The following SPHK2 variants were observed in gnomAD, a reference collection of about 807,000 sequenced individuals.
SPHK2 encodes the protein sphingosine kinase 2.
SPHK2 carries 18 observed loss-of-function variants against 32.3 expected under a neutral mutation model. The ratio of observed to expected loss-of-function variants is 0.56; its 90% CI spans 0.39 to 0.83. The LOEUF (loss-of-function observed/expected upper bound fraction) is 0.83, where lower values mean the gene tolerates loss of function less well. SPHK2 is among the 40% of genes least tolerant of loss of function. The pLI is 0.00. For synonymous variants in SPHK2, 462 were observed against 417.6 expected, an observed-to-expected ratio of 1.11 and a Z score of -1.30; for missense variants, 850 against 908.7, an observed-to-expected ratio of 0.94 and a Z score of 0.83.
intron 3 of SPHK2, among the ~76,000 whole-genome samples, chr19:48,627,003 G>A (rs546332491): frequency 9.2e-5 from 14 of 151,444 alleles, no homozygotes; most frequent in South Asian, 8.4e-4. Flanking sequence ...GCATGGTGAC[G>A]GATGCCTGTA....
At position 48,629,997 on chromosome 19, in the gene SPHK2, G is replaced by C. The variant is rs1480516320; in HGVS notation, c.*224G>C. 32 of 1,378,842 alleles carry C rather than the reference G, an allele frequency of 2.3e-5. No individual in the cohort carries two copies. The highest frequency in any genetic ancestry group is 2.8e-5 in the Non-Finnish European group (30 of 1,070,132). The allele number at this position is 1,378,842 out of a possible 1,614,324, so 85.4% of individuals were successfully genotyped here. ...CCCGAGGGTAGTGCCTGATCAATGA[G>C]GGCGGGGCCTGGCGTCTGATCTGGG... On this transcript the variant is annotated 3_prime_UTR_variant, in exon 7 of 7. Coordinates refer to ENST00000245222, the MANE Select transcript of SPHK2 (RefSeq NM_020126.5).
chr19:48,629,089 G>A lies in SPHK2; in HGVS notation c.1281G>A (p.Leu427=). The A allele has an allele frequency of 6.2e-7, 1 of 1,613,354 alleles. No individual in the cohort carries two copies. The stretch of plus-strand genomic sequence containing the variant: ...CTGTGTCTGACCTGCCTCTTCCCCT[G>A]CCCCAGCCTGCCCTGGCCTCTCCTG... ...HRSVSDLPLP[L]PQPALASPGS... Residue 427 remains leucine, a synonymous_variant, in exon 7 of 7, where the codon CTG becomes CTA. Transcript: ENST00000245222.
At chr19:48,626,455 G>A in intron 3 of SPHK2, 93 bp downstream of exon 3, 1 of 1,402,768 alleles carries the variant, frequency 7.1e-7, no homozygotes, top group Non-Finnish European at 9.3e-7. Flanking sequence ...TTTTCTGTGT[G>A]TCTGGGTGAT....
In SPHK2 at chr19:48,629,488, C is replaced by A; in HGVS notation, c.1680C>A (p.Arg560=). The stretch of plus-strand genomic sequence containing the variant: ...ACCTGGTGGCAGCTCCGCATGCGCG[C>A]TTCGACGACGGCCTGGTGCACCTGT... ...GADLVAAPHA[R]FDDGLVHLCW... Residue 560 remains arginine, a synonymous_variant, in exon 7 of 7, where the codon CGC becomes CGA. Transcript: ENST00000245222. 1 of 1,607,558 alleles carries A rather than the reference C, an allele frequency of 6.2e-7. No homozygotes were observed. The highest frequency in any genetic ancestry group is 8.5e-7 in the Non-Finnish European group (1 of 1,178,568).
chr19:48,625,517 A>C lies in SPHK2; in HGVS notation c.40-374A>C. 2.4e-6 allele frequency: 3 copies of C among 1,234,492 alleles called. No homozygotes were observed. In the South Asian group the frequency reaches 4.6e-5, roughly 19 times the overall value. 76.5% of individuals were successfully genotyped at this position (1,234,492 alleles called of 1,614,324 possible). ...TTTTCCCCCAAAGCCCGTTATCATC[A>C]CCCAACCACCTGTATATTTCAATCC... On this transcript the variant is annotated intron_variant, in intron 2 of 6. Coordinates refer to ENST00000245222, the MANE Select transcript of SPHK2 (RefSeq NM_020126.5).
chr19:48,626,986 T>C (rs1314413207), intron 3 of SPHK2, among the ~76,000 whole-genome samples: 1 of 150,488 alleles, frequency 6.6e-6, no homozygotes, highest in African/African-American at 2.5e-5. Context: ...ATACAAAAAT[T>C]AGCCGGGCAT....
rs759362947 is a variant in SPHK2 at position 48,628,930 on chromosome 19, A to C, written c.1122A>C (p.Gly374=). 1 of 1,613,008 alleles carries C rather than the reference A, an allele frequency of 6.2e-7. No individual in the cohort carries two copies. The highest frequency in any genetic ancestry group is 8.5e-7 in the Non-Finnish European group (1 of 1,179,892). ...LGLATLHTYR[G]RLSYLPATVE... ...TCGCCACACTGCACACCTACCGCGG[A>C]CGCCTCTCCTACCTCCCCGCCACTG... The change falls in exon 7 of 7, where the codon GGA becomes GGC. Residue 374 remains glycine, a synonymous_variant. Coordinates refer to ENST00000245222, the MANE Select transcript of SPHK2 (RefSeq NM_020126.5). The surrounding 1 kb of genome is among the most constrained non-coding windows in gnomAD (Gnocchi z 5.2).
At chr19:48,621,752 G>T (rs1974414390) in intron 2 of SPHK2, among the ~76,000 whole-genome samples, 1 of 152,184 alleles carries the variant, frequency 6.6e-6, no homozygotes, top group Admixed American at 6.5e-5. Flanking sequence ...TATTATAGCA[G>T]CGAGAAACAA....
At chr19:48,626,602 G>A (rs281411) in intron 3 of SPHK2, 80,543 of 473,932 alleles carry the variant, frequency 0.17, 8,379 homozygotes, top group East Asian at 0.46. Context: ...ATCACCTGAG[G>A]TCAGGAGTTC....
At position 48,630,326 on chromosome 19, in the gene SPHK2, C is replaced by T; in HGVS notation, c.*553C>T. Reference sequence around the variant, plus strand: ...GGGGAAATTCATATCCCCTGTTCGTCTCATGCGCGTCCTCCGTCCCCAATC... The same window carrying T: ...GGGGAAATTCATATCCCCTGTTCGTTTCATGCGCGTCCTCCGTCCCCAATC... On this transcript the variant is annotated 3_prime_UTR_variant, in exon 7 of 7. Coordinates refer to ENST00000245222, the MANE Select transcript of SPHK2 (RefSeq NM_020126.5). The surrounding 1 kb of genome is among the most constrained non-coding windows in gnomAD (Gnocchi z 4.9). 6 of 1,307,282 alleles carry T rather than the reference C, an allele frequency of 4.6e-6. No homozygotes were observed. Among genetic ancestry groups the T allele is most frequent in the Non-Finnish European group, 5.8e-6 (6 of 1,028,916 alleles). The allele number at this position is 1,307,282 out of a possible 1,614,324, so 81.0% of individuals were successfully genotyped here. A position where few individuals can be genotyped will look rare whatever the true frequency, so the allele number is the denominator to read the frequency against.
At chr19:48,621,531 G>A (rs1974404797) in intron 2 of SPHK2, among the ~76,000 whole-genome samples, 1 of 152,170 alleles carries the variant, frequency 6.6e-6, no homozygotes, top group South Asian at 2.1e-4. Flanking sequence ...CCTTCCATAA[G>A]TGATTTCAGA....
intron 2 of SPHK2, among the ~76,000 whole-genome samples, chr19:48,622,720 T>C (rs1974452282): frequency 6.6e-6 from 1 of 151,884 alleles, no homozygotes; most frequent in African/African-American, 2.4e-5. Context: ...AGGTACATGA[T>C]TTGGCAATAA....
At chr19:48,622,688 T>G (rs959807305) in intron 2 of SPHK2, among the ~76,000 whole-genome samples, 5 of 152,016 alleles carry the variant, frequency 3.3e-5, no homozygotes, top group African/African-American at 1.2e-4. Context: ...TCTGGTGCTG[T>G]TGCTACTGTG....
chr19:48,625,254 A>G, intron 2 of SPHK2: 3 of 1,060,510 alleles, frequency 2.8e-6, no homozygotes, highest in Non-Finnish European at 3.4e-6. Context: ...TGGGGTGAAA[A>G]AGTCTTACTC....
chr19:48,625,655 C>T lies in SPHK2; in HGVS notation c.40-236C>T, dbSNP rs1244700314. 4.6e-6 allele frequency: 7 copies of T among 1,531,124 alleles called. No homozygotes were observed. The Admixed American group carries it at 9.8e-5, about 22-fold the overall frequency. 94.8% of individuals were successfully genotyped at this position (1,531,124 alleles called of 1,614,324 possible). A position where few individuals can be genotyped will look rare whatever the true frequency, so the allele number is the denominator to read the frequency against. ...GCACATAAAGGGTACTGAATACTTA[C>T]TGGGGAATAAATGATTGGATGTTTG... On this transcript the variant is annotated intron_variant, in intron 2 of 6. Transcript: ENST00000245222.
chr19:48,628,600 C>T lies in SPHK2; in HGVS notation c.873-81C>T, dbSNP rs1331558834. On this transcript the variant is annotated intron_variant, in intron 6 of 6. Transcript: ENST00000245222. This position sits in a 1 kb window ranked among gnomAD's most constrained non-coding sequence, Gnocchi z 5.2. ...GCCATGGCCTTCGTGGTCTCATTGCCAGCTGCTTTCCTACCTGTCTCTTTC... is the reference window on the plus strand; with the variant it reads ...GCCATGGCCTTCGTGGTCTCATTGCTAGCTGCTTTCCTACCTGTCTCTTTC... The T allele has an allele frequency of 3.9e-6, 6 of 1,550,264 alleles. No homozygotes were observed. In the Admixed American group the frequency reaches 8.5e-5, roughly 22 times the overall value.
In SPHK2 at chr19:48,630,169, G is replaced by C; in HGVS notation, c.*396G>C. The C allele has an allele frequency of 1.6e-6, 2 of 1,241,720 alleles. No homozygotes were observed. The highest frequency in any genetic ancestry group is 2.0e-6 in the Non-Finnish European group (2 of 990,516). 76.9% of individuals were successfully genotyped at this position (1,241,720 alleles called of 1,614,324 possible). A position where few individuals can be genotyped will look rare whatever the true frequency, so the allele number is the denominator to read the frequency against. On this transcript the variant is annotated 3_prime_UTR_variant, in exon 7 of 7. Coordinates refer to ENST00000245222, the MANE Select transcript of SPHK2 (RefSeq NM_020126.5). This position sits in a 1 kb window ranked among gnomAD's most constrained non-coding sequence, Gnocchi z 4.9. ...TGGGGTAGGCCTCAGTGAGTCGGCC[G>C]GTCAGGGCCCGCAGCCTCGCCCCAT...
intron 1 of SPHK2, chr19:48,619,943 A>G (rs1974334976): frequency 6.5e-6 from 1 of 153,546 alleles, no homozygotes; most frequent in African/African-American, 2.4e-5. Flanking sequence ...AGTGGCAAAG[A>G]AAGATGGTGA....
chr19:48,628,060 G>A lies in SPHK2; in HGVS notation c.747G>A (p.Leu249=), dbSNP rs116785119. 1.9e-6 allele frequency: 3 copies of A among 1,589,956 alleles called. No individual in the cohort carries two copies. The highest frequency in any genetic ancestry group is 2.2e-5 in the East Asian group (1 of 44,454). The change falls in exon 5 of 7, where the codon CTG becomes CTA. Residue 249 remains leucine (L), a synonymous_variant. Coordinates refer to ENST00000245222, the MANE Select transcript of SPHK2 (RefSeq NM_020126.5). The surrounding 1 kb of genome is among the most constrained non-coding windows in gnomAD (Gnocchi z 5.2). ...DGIVTVSGDG[L]LHEVLNGLLD... ...TCGTCACGGTCTCGGGAGACGGGCT[G>A]CTCCATGAGGTAGAGCAGGAGCACC...
Sources: gnomAD v4.1 joint callset for allele counts (sites outside exome capture counted in the v4.1 genomes callset) on GRCh38, gnomAD v4.1.1 for gene constraint, Gnocchi (gnomAD v3.1) non-coding constraint, MANE v1.5 for transcripts, NCBI Gene and HGNC (gene_info 2026-07-23, HGNC 2026-07-21) for gene names.